The following NEDD4 variants were observed in gnomAD, a reference collection of about 807,000 sequenced individuals.
The protein encoded by NEDD4 is E3 ubiquitin-protein ligase NEDD4.
NEDD4 carries 99 observed loss-of-function variants against 144.9 expected under a neutral mutation model. The ratio of observed to expected loss-of-function variants is 0.68; its 90% CI spans 0.58 to 0.81. The LOEUF (loss-of-function observed/expected upper bound fraction) is 0.81. Ranked by LOEUF, NEDD4 falls within the 30% of genes least tolerant of loss-of-function variation. The probability of loss-of-function intolerance (pLI) is 0.00; values close to 1 mark genes in which losing one functional copy is unlikely to be tolerated. For missense variants in NEDD4, 985 were observed against 1,065.9 expected (o/e 0.92, Z 1.06); for synonymous variants, 318 against 350.6 (o/e 0.91, Z 1.04).
chr15:55,946,362 C>A (rs541048607), intron 4 of NEDD4, among the ~76,000 whole-genome samples: 3 of 152,270 alleles, frequency 2.0e-5, no homozygotes, highest in South Asian at 2.1e-4. Flanking sequence ...CAATCCTAGT[C>A]TCTGATAAAA....
intron 5 of NEDD4, chr15:55,905,317 TCTC>T: frequency 6.6e-6 from 3 of 455,100 alleles, no homozygotes; most frequent in Non-Finnish European, 1.3e-5. Context: ...AGAAGTTTCT[TCTC>T]TGGAGAAACA....
chr15:55,880,258 C>T (rs952337100), intron 5 of NEDD4, among the ~76,000 whole-genome samples: 7 of 151,780 alleles, frequency 4.6e-5, no homozygotes, highest in African/African-American at 1.7e-4. Flanking sequence ...CACCATTGCA[C>T]GCTAGTCTGG....
intron 5 of NEDD4, among the ~76,000 whole-genome samples, chr15:55,875,561 G>A (rs1376906463): frequency 3.9e-5 from 6 of 151,950 alleles, no homozygotes; most frequent in Non-Finnish European, 7.4e-5. Context: ...CAGGTGATCC[G>A]CCTGCCTCAG....
At chr15:55,961,083 G>A (rs2037418007) in intron 2 of NEDD4, among the ~76,000 whole-genome samples, 1 of 152,186 alleles carries the variant, frequency 6.6e-6, no homozygotes, top group African/African-American at 2.4e-5. Context: ...TATTTTGGTA[G>A]GAACAAACTG....
chr15:55,949,331 G>C (rs538445801), intron 4 of NEDD4, among the ~76,000 whole-genome samples: 24 of 152,282 alleles, frequency 1.6e-4, no homozygotes, highest in African/African-American at 5.1e-4. Flanking sequence ...GGAGAAATAG[G>C]AATACTTTTA....
intron 1 of NEDD4, among the ~76,000 whole-genome samples, chr15:55,990,459 G>A (rs780962091): frequency 7.2e-5 from 11 of 152,116 alleles, no homozygotes; most frequent in Non-Finnish European, 1.5e-4. Context: ...ACGTCTGGAA[G>A]CCACTACCAC....
chr15:55,848,766 G>A (rs2033855003), intron 15 of NEDD4, 40 bp downstream of exon 15: 3 of 1,560,490 alleles, frequency 1.9e-6, no homozygotes, highest in Non-Finnish European at 2.6e-6. Flanking sequence ...AAATATTTGA[G>A]ATAGCCAAGT....
At chr15:55,846,077 G>A (rs2033729901) in intron 18 of NEDD4, among the ~76,000 whole-genome samples, 1 of 151,982 alleles carries the variant, frequency 6.6e-6, no homozygotes, top group South Asian at 2.1e-4. Context: ...ATGAGCTACT[G>A]CACCTGGCCC....
intron 4 of NEDD4, among the ~76,000 whole-genome samples, chr15:55,928,212 G>GT (rs2036712150): frequency 6.6e-6 from 1 of 152,032 alleles, no homozygotes; most frequent in Non-Finnish European, 1.5e-5. Flanking sequence ...GGGTTTCACC[G>GT]TGTTGGCCAG....
At chr15:55,892,509 ATATAG>A (rs2035603779) in intron 5 of NEDD4, among the ~76,000 whole-genome samples, 1 of 151,958 alleles carries the variant, frequency 6.6e-6, no homozygotes, top group South Asian at 2.1e-4. Flanking sequence ...TGAATATTAG[ATATAG>A]TATAATTTGT....
intron 12 of NEDD4, among the ~76,000 whole-genome samples, chr15:55,854,572 CTG>C (rs2034119617): frequency 2.0e-5 from 3 of 152,146 alleles, no homozygotes; most frequent in South Asian, 2.1e-4. Flanking sequence ...AAGGCAAAAA[CTG>C]TAGCAATAGA....
intron 2 of NEDD4, among the ~76,000 whole-genome samples, chr15:55,964,746 T>C (rs57273249): frequency 0.13 from 19,978 of 150,298 alleles, 1,462 homozygotes; most frequent in East Asian, 0.32. Context: ...TATCATTCTA[T>C]GGTTTGGATA....
chr15:55,943,881 C>T (rs1310215216), intron 4 of NEDD4, among the ~76,000 whole-genome samples: 1 of 152,210 alleles, frequency 6.6e-6, no homozygotes, highest in African/African-American at 2.4e-5. Context: ...GTGAAAGCAG[C>T]TGAAGGGATT....
chr15:55,851,579 C>T (rs752681851), intron 13 of NEDD4, among the ~76,000 whole-genome samples: 24 of 151,908 alleles, frequency 1.6e-4, no homozygotes, highest in Admixed American at 3.3e-4. Context: ...CAGGTTCAAG[C>T]GATTCTCCTG....
At chr15:55,860,856 GA>G (rs1450288625) in intron 9 of NEDD4, 78 bp from the exon 10 acceptor site, 5 of 1,267,060 alleles carry the variant, frequency 3.9e-6, no homozygotes, top group African/African-American at 1.5e-5. Context: ...TGATCATTGG[GA>G]AAAAAATCTA....
chr15:55,964,468 G>C (rs1421628478), intron 2 of NEDD4, among the ~76,000 whole-genome samples: 3 of 151,674 alleles, frequency 2.0e-5, no homozygotes, highest in Non-Finnish European at 4.4e-5. Context: ...TTCACTCCTG[G>C]AATTTTCATT....
At chr15:55,915,458 T>C (rs372832889) in intron 5 of NEDD4, 37 of 1,613,744 alleles carry the variant, frequency 2.3e-5, no homozygotes, top group African/African-American at 5.3e-5. Context: ...CTCCTCCCAA[T>C]GAAATACTTC....
chr15:55,839,999 A>AAAAAATATATAT (rs1566901067), intron 21 of NEDD4, among the ~76,000 whole-genome samples: 2 of 26,128 alleles, frequency 7.7e-5, no homozygotes, highest in African/African-American at 1.5e-4. Context: ...AAAAAAAAAA[A>AAAAAATATATAT]ATATATATAT....
rs8024026 is a variant in NEDD4, at chr15:55,854,024, C to T, written c.1027-1481G>A. Among the ~76,000 whole-genome samples the T allele has an allele frequency of 5.2e-3, 784 of 152,046 alleles. 6 individuals are homozygous for T. The highest frequency in any genetic ancestry group is 0.018 in the African/African-American group (731 of 41,478). ...GAAATTAGCTGGGCATGGTGGTGCA[C>T]GTCTGTAGTCCAGCTACTCGGGAGG... is the stretch of plus-strand genomic sequence containing the variant. On this transcript the variant is annotated intron_variant, in intron 12 of 28. Transcript: ENST00000435532.
Sources: allele counts gnomAD v4.1 joint callset (sites outside exome capture counted in the v4.1 genomes callset), GRCh38; gene constraint gnomAD v4.1.1; transcripts MANE v1.5; gene names NCBI Gene and HGNC (gene_info 2026-07-23, HGNC 2026-07-21).